The following AKAP9 variants were observed in gnomAD, a reference collection of about 807,000 sequenced individuals.
AKAP9 encodes A-kinase anchoring protein 9, also known as A-kinase anchor protein 9.
A neutral mutation model predicts 488.5 loss-of-function variants in AKAP9; 311 were observed. The ratio of observed to expected loss-of-function variants is 0.64; its 90% CI spans 0.58 to 0.70. The LOEUF (loss-of-function observed/expected upper bound fraction) is 0.70. Ranked by LOEUF, AKAP9 falls within the 30% of genes least tolerant of loss-of-function variation. AKAP9 has a pLI of 0.00. For missense variants in AKAP9, 4,215 were observed against 4,374.5 expected, an observed-to-expected ratio of 0.96 and a Z score of 1.03; for synonymous variants, 1,462 against 1,483.5, an observed-to-expected ratio of 0.99 and a Z score of 0.33.
intron 1 of AKAP9, among the ~76,000 whole-genome samples, chr7:91,961,588 T>C (rs1391219051): frequency 6.6e-6 from 1 of 152,064 alleles, no homozygotes; most frequent in Non-Finnish European, 1.5e-5. Flanking sequence ...CTCACGCCTG[T>C]AATCCCAGCA....
At chr7:91,950,527 G>T (rs1287635545) in intron 1 of AKAP9, among the ~76,000 whole-genome samples, 1 of 152,130 alleles carries the variant, frequency 6.6e-6, no homozygotes, top group Non-Finnish European at 1.5e-5. Context: ...ACAACGTCCA[G>T]GCTAGGGTCT....
intron 23 of AKAP9, among the ~76,000 whole-genome samples, 161 bp downstream of exon 23, chr7:92,061,583 ACTATATAT>A (rs1453317694): frequency 1.5e-4 from 5 of 33,824 alleles, no homozygotes; most frequent in South Asian, 1.7e-3. Context: ...AATTTTTAAA[ACTATATAT>A]ATATATATAT....
chr7:91,965,644 G>C (rs960224371), intron 1 of AKAP9, among the ~76,000 whole-genome samples: 1 of 152,100 alleles, frequency 6.6e-6, no homozygotes, highest in Non-Finnish European at 1.5e-5. Flanking sequence ...TTACATTTCT[G>C]TTAACAGTAT....
At chr7:91,985,604 A>G (rs1268805583) in intron 3 of AKAP9, among the ~76,000 whole-genome samples, 1 of 152,136 alleles carries the variant, frequency 6.6e-6, no homozygotes, top group Non-Finnish European at 1.5e-5. Flanking sequence ...AGGCTTTGGT[A>G]TCAGGATGAT....
At chr7:91,975,115 G>A (rs1429972666) in intron 2 of AKAP9, among the ~76,000 whole-genome samples, 5 of 152,158 alleles carry the variant, frequency 3.3e-5, no homozygotes, top group Non-Finnish European at 7.3e-5. Flanking sequence ...GCCTCCCAAA[G>A]TCCTGGGAGT....
At chr7:92,077,578 A>G in intron 29 of AKAP9, 118 bp from the exon 30 acceptor site, 1 of 888,422 alleles carries the variant, frequency 1.1e-6, no homozygotes, top group South Asian at 1.4e-5. Flanking sequence ...TACAGTAACC[A>G]TATGGTGTCT....
chr7:92,014,551 C>A (rs1801240586), intron 10 of AKAP9, among the ~76,000 whole-genome samples: 1 of 152,156 alleles, frequency 6.6e-6, no homozygotes, highest in South Asian at 2.1e-4. Flanking sequence ...ATTGCTTGGG[C>A]ATGGGAGGCA....
At chr7:92,065,800 T>G (rs1443855232) in intron 25 of AKAP9, among the ~76,000 whole-genome samples, 1 of 152,162 alleles carries the variant, frequency 6.6e-6, no homozygotes, top group Non-Finnish European at 1.5e-5. Flanking sequence ...AAAGAGATAA[T>G]GGGCCACCAC....
chr7:91,963,761 G>T (rs6954751), intron 1 of AKAP9, among the ~76,000 whole-genome samples: 17,338 of 152,008 alleles, frequency 0.11, 1,109 homozygotes, highest in East Asian at 0.35. Context: ...CTTGTGATCC[G>T]CCCGCCTCAG....
chr7:92,056,466 T>C (rs1049240733), intron 22 of AKAP9, among the ~76,000 whole-genome samples: 51 of 151,898 alleles, frequency 3.4e-4, no homozygotes, highest in Admixed American at 3.4e-3. Flanking sequence ...GCTGCAGCAG[T>C]GATAAGATTA....
At chr7:91,973,419 A>G (rs139544998) in intron 1 of AKAP9, among the ~76,000 whole-genome samples, 79 of 152,268 alleles carry the variant, frequency 5.2e-4, no homozygotes, top group African/African-American at 1.9e-3. Flanking sequence ...CTCACTAAGC[A>G]GTGAATGACA....
intron 20 of AKAP9, 126 bp downstream of exon 20, chr7:92,042,897 G>T (rs368715845): frequency 2.1e-5 from 14 of 674,846 alleles, no homozygotes; most frequent in African/African-American, 2.0e-4. Context: ...TACCATCTGT[G>T]TATGAAACAT....
At chr7:91,987,577 G>A (rs10279210) in intron 3 of AKAP9, among the ~76,000 whole-genome samples, 68,258 of 152,032 alleles carry the variant, frequency 0.45, 16,402 homozygotes, top group African/African-American at 0.63. Flanking sequence ...TAGAGAAAAC[G>A]TAGAAGTAAA....
chr7:92,042,959 G>T (rs1473522111), intron 20 of AKAP9, 188 bp downstream of exon 20: 2 of 397,120 alleles, frequency 5.0e-6, no homozygotes, highest in East Asian at 4.3e-5. Flanking sequence ...TCATTAAATA[G>T]ATAACATTTT....
At chr7:92,032,807 A>T (rs1431157995) in intron 16 of AKAP9, among the ~76,000 whole-genome samples, 1 of 152,156 alleles carries the variant, frequency 6.6e-6, no homozygotes. Flanking sequence ...GAGGAATGCA[A>T]ATTTTCTCTT....
chr7:91,991,916 G>A (rs1172557654), intron 3 of AKAP9, among the ~76,000 whole-genome samples: 2 of 152,232 alleles, frequency 1.3e-5, no homozygotes, highest in Middle Eastern at 3.2e-3. Flanking sequence ...ATTCACTTAA[G>A]TGAAAATGTA....
At chr7:92,033,386 T>C (rs765513578) in intron 16 of AKAP9, among the ~76,000 whole-genome samples, 5 of 152,160 alleles carry the variant, frequency 3.3e-5, no homozygotes, top group Non-Finnish European at 5.9e-5. Flanking sequence ...CTGTACTCTG[T>C]ACCCCTCAGA....
At chr7:92,109,493 A>C (rs1421309820) in intron 49 of AKAP9, among the ~76,000 whole-genome samples, 1 of 152,222 alleles carries the variant, frequency 6.6e-6, no homozygotes, top group Non-Finnish European at 1.5e-5. Flanking sequence ...CAGATTTTGA[A>C]GACCAAAAGA....
chr7:92,100,262 T>G (rs1253992862), intron 44 of AKAP9, among the ~76,000 whole-genome samples: 1 of 152,186 alleles, frequency 6.6e-6, no homozygotes, highest in East Asian at 1.9e-4. Flanking sequence ...TTCATTTAAT[T>G]ATTAGTTATT....
Sources: gnomAD v4.1 joint callset for allele counts (sites outside exome capture counted in the v4.1 genomes callset) on GRCh38, gnomAD v4.1.1 for gene constraint, MANE v1.5 for transcripts, NCBI Gene and HGNC (gene_info 2026-07-23, HGNC 2026-07-21) for gene names.